Variants in TNFRSF19 observed in about 807,000 individuals in gnomAD.
TNFRSF19 encodes the protein tumor necrosis factor receptor superfamily member 19.
In TNFRSF19, 27 loss-of-function variants were observed where a neutral mutation model predicts 46.4. The ratio of observed to expected loss-of-function variants is 0.58; its 90% CI spans 0.43 to 0.80. The LOEUF is 0.80. Among genes scored for constraint, TNFRSF19 ranks in the 30% least tolerant of loss-of-function variants. TNFRSF19 has a pLI of 0.00. For missense variants in TNFRSF19, 511 were observed against 530.8 expected (o/e 0.96, Z 0.37); for synonymous variants, 204 against 205.0 (o/e 1.00, Z 0.04).
chr13:23,575,485 A>G (rs979770090), intron 1 of TNFRSF19, among the ~76,000 whole-genome samples: 1 of 152,208 alleles, frequency 6.6e-6, no homozygotes, highest in African/African-American at 2.4e-5. Flanking sequence ...CATTGGCCTC[A>G]CGGTGCTCCC....
At chr13:23,578,276 A>T (rs923147030) in intron 1 of TNFRSF19, among the ~76,000 whole-genome samples, 4 of 152,214 alleles carry the variant, frequency 2.6e-5, no homozygotes, top group Admixed American at 2.0e-4. Flanking sequence ...TAGATAACGT[A>T]CATCATTTGG....
chr13:23,669,259 T>C, intron 9 of TNFRSF19, 162 bp downstream of exon 9: 3 of 1,407,896 alleles, frequency 2.1e-6, no homozygotes, highest in African/African-American at 1.4e-5. Flanking sequence ...ATTTCAAGTA[T>C]TTTTTTAAAA....
At chr13:23,586,720 A>C (rs1470879088) in intron 1 of TNFRSF19, among the ~76,000 whole-genome samples, 3 of 152,246 alleles carry the variant, frequency 2.0e-5, no homozygotes, top group Non-Finnish European at 4.4e-5. Context: ...TCAAATGAGC[A>C]GGCTGAGCAG....
intron 5 of TNFRSF19, among the ~76,000 whole-genome samples, chr13:23,636,683 C>T (rs1882709404): frequency 6.6e-6 from 1 of 152,206 alleles, no homozygotes; most frequent in African/African-American, 2.4e-5. Context: ...GAGACACCCA[C>T]AGCAGAGGCC....
At chr13:23,605,145 T>A (rs1014631767) in intron 3 of TNFRSF19, among the ~76,000 whole-genome samples, 3 of 152,038 alleles carry the variant, frequency 2.0e-5, no homozygotes, top group African/African-American at 7.2e-5. Flanking sequence ...TAAAAATGGG[T>A]AAAAGACCTT....
chr13:23,666,718 A>C (rs1951640173), intron 7 of TNFRSF19, among the ~76,000 whole-genome samples: 1 of 152,138 alleles, frequency 6.6e-6, no homozygotes, highest in South Asian at 2.1e-4. Flanking sequence ...AGCGTGACAC[A>C]CGTTTGTTAA....
intron 5 of TNFRSF19, among the ~76,000 whole-genome samples, chr13:23,636,770 G>A (rs1241843132): frequency 6.6e-6 from 1 of 152,136 alleles, no homozygotes; most frequent in East Asian, 1.9e-4. Flanking sequence ...ACTTCCCTCG[G>A]ACTCCTGTTG....
chr13:23,635,982 C>G (rs1017338914), intron 5 of TNFRSF19, among the ~76,000 whole-genome samples: 1 of 152,196 alleles, frequency 6.6e-6, no homozygotes, highest in Non-Finnish European at 1.5e-5. Context: ...CAGAACATTT[C>G]TGTCACCCTC....
intron 1 of TNFRSF19, among the ~76,000 whole-genome samples, chr13:23,582,050 T>C (rs1456477109): frequency 6.6e-6 from 1 of 151,950 alleles, no homozygotes; most frequent in Non-Finnish European, 1.5e-5. Context: ...AGTTAAACGG[T>C]TAAATATATT....
intron 1 of TNFRSF19, 69 bp downstream of exon 1, chr13:23,570,917 A>C (rs1239441204): frequency 6.6e-6 from 1 of 152,144 alleles, no homozygotes; most frequent in Non-Finnish European, 1.5e-5. Context: ...CTTTCACTGC[A>C]TTTTTCGCAT....
At chr13:23,642,165 T>C (rs541913060) in intron 5 of TNFRSF19, among the ~76,000 whole-genome samples, 22 of 152,358 alleles carry the variant, frequency 1.4e-4, no homozygotes, top group African/African-American at 5.3e-4. Flanking sequence ...TTGGTTTGTT[T>C]TTAATCATTA....
chr13:23,665,302 C>G (rs1428920900), intron 7 of TNFRSF19, among the ~76,000 whole-genome samples: 1 of 152,158 alleles, frequency 6.6e-6, no homozygotes, highest in Non-Finnish European at 1.5e-5. Flanking sequence ...TTTGTATAAA[C>G]TCTGCCTCAC....
In TNFRSF19 at chr13:23,641,570, A is replaced by G. The variant is rs139837877; in HGVS notation, c.445+14778A>G. Among the ~76,000 whole-genome samples, 95 of 152,256 alleles carry G rather than the reference A, an allele frequency of 6.2e-4. 1 individual carries two copies. In the East Asian group the frequency reaches 0.01, roughly 16 times the overall value. On this transcript the variant is annotated intron_variant, in intron 5 of 9. Transcript: ENST00000248484. ...GGTCTTGAACTCCTGACCTCAAGTG[A>G]TCCACCTGCCTCAGCCTCCCAAAGT...
chr13:23,577,666 G>C (rs1051360562), intron 1 of TNFRSF19, among the ~76,000 whole-genome samples: 2 of 152,234 alleles, frequency 1.3e-5, no homozygotes, highest in African/African-American at 4.8e-5. Flanking sequence ...AGTAAGACAA[G>C]TAGGTAAAGC....
chr13:23,646,080 C>G (rs1196425536), intron 5 of TNFRSF19, among the ~76,000 whole-genome samples: 2 of 152,166 alleles, frequency 1.3e-5, no homozygotes, highest in African/African-American at 4.8e-5. Flanking sequence ...AGCTGACAAG[C>G]CTCCATGACT....
At chr13:23,660,257 C>A in intron 6 of TNFRSF19, 108 bp from the exon 7 acceptor site, 1 of 1,152,362 alleles carries the variant, frequency 8.7e-7, no homozygotes, top group Non-Finnish European at 1.2e-6. Context: ...AGTCATCAAA[C>A]ATTGGAAGGA....
chr13:23,632,158 T>C (rs187116877), intron 5 of TNFRSF19, among the ~76,000 whole-genome samples: 1 of 152,300 alleles, frequency 6.6e-6, no homozygotes, highest in Admixed American at 6.5e-5. Flanking sequence ...CTCCATTTAC[T>C]GAGGGTTTTC....
At chr13:23,605,491 G>A (rs550816700) in intron 3 of TNFRSF19, among the ~76,000 whole-genome samples, 1 of 152,266 alleles carries the variant, frequency 6.6e-6, no homozygotes, top group South Asian at 2.1e-4. Context: ...GACACTTAAC[G>A]CTTATACAGA....
At chr13:23,621,727 T>C (rs1881667472) in intron 4 of TNFRSF19, among the ~76,000 whole-genome samples, 1 of 151,820 alleles carries the variant, frequency 6.6e-6, no homozygotes, top group African/African-American at 2.4e-5. Flanking sequence ...GTGGATCGCT[T>C]GAGCTCAAGA....
Sources: gnomAD v4.1 joint callset for allele counts (sites outside exome capture counted in the v4.1 genomes callset) on GRCh38, gnomAD v4.1.1 for gene constraint, MANE v1.5 for transcripts, NCBI Gene and HGNC (gene_info 2026-07-23, HGNC 2026-07-21) for gene names.